Variants in OR4F17 observed in about 807,000 individuals in gnomAD.
OR4F17 encodes olfactory receptor 4F17.
For synonymous variants in OR4F17, 1 was observed against 120.7 expected, an observed-to-expected ratio of 0.01 and a Z score of 6.50; for missense variants, 1 against 323.6, an observed-to-expected ratio of 0.00 and a Z score of 7.65.
At chr19:107,901 TATA>T (rs1378221122) in intron 2 of OR4F17, among the ~76,000 whole-genome samples, 2 of 91,742 alleles carry the variant, frequency 2.2e-5, no homozygotes, top group African/African-American at 8.6e-5. Context: ...TATAATATAA[TATA>T]ATATAAATTA....
At chr19:107,889 TATATAATATA>T (rs1458884267) in intron 2 of OR4F17, among the ~76,000 whole-genome samples, 1 of 26,644 alleles carries the variant, frequency 3.8e-5, no homozygotes, top group Non-Finnish European at 6.0e-5. Flanking sequence ...TAATATATAT[TATATAATATA>T]ATATAATATA....
intron 2 of OR4F17, among the ~76,000 whole-genome samples, chr19:109,489 T>TA (rs1224276607): frequency 1.6e-5 from 2 of 127,906 alleles, no homozygotes; most frequent in Non-Finnish European, 3.3e-5. Flanking sequence ...TTATCAGAGT[T>TA]AAAGCCATCA....
intron 2 of OR4F17, among the ~76,000 whole-genome samples, chr19:109,550 C>T (rs1211858406): frequency 5.8e-5 from 7 of 120,630 alleles, no homozygotes; most frequent in Non-Finnish European, 8.7e-5. Context: ...TTTTATTTTC[C>T]ACATCTTGCC....
chr19:107,957 T>TTTATAATATATTTATA (rs1968643624), intron 2 of OR4F17, among the ~76,000 whole-genome samples: 1 of 8,362 alleles, frequency 1.2e-4, no homozygotes, highest in Non-Finnish European at 1.8e-4. Flanking sequence ...TAATATATAT[T>TTTATAATATATTTATA]TTATTATATA....
chr19:108,148 T>G (rs1343360755), intron 2 of OR4F17, among the ~76,000 whole-genome samples: 1 of 128,212 alleles, frequency 7.8e-6, no homozygotes, highest in East Asian at 2.2e-4. Context: ...CATATATTAT[T>G]ATATAAAATA....
intron 2 of OR4F17, among the ~76,000 whole-genome samples, chr19:107,870 TATATAATATAATATATATTATATAATATA>T: frequency 1.3e-5 from 1 of 74,074 alleles, no homozygotes; most frequent in East Asian, 6.5e-4. Flanking sequence ...TATATTTTAT[TATATAATATAATATATATTATATAATATA>T]ATATAATATA....
At chr19:108,409 C>G (rs1442501833) in intron 2 of OR4F17, among the ~76,000 whole-genome samples, 3 of 151,722 alleles carry the variant, frequency 2.0e-5, no homozygotes, top group Non-Finnish European at 4.4e-5. Context: ...TTTAAAAAGT[C>G]AGAAATGAGC....
intron 2 of OR4F17, among the ~76,000 whole-genome samples, chr19:107,889 TATATAATATAATATAATATAA>T (rs1968638350): frequency 1.5e-4 from 4 of 26,630 alleles, no homozygotes; most frequent in Admixed American, 7.2e-4. Context: ...TAATATATAT[TATATAATATAATATAATATAA>T]ATTATATAAA....
At chr19:108,189 T>C (rs1426164844) in intron 2 of OR4F17, among the ~76,000 whole-genome samples, 1 of 135,438 alleles carries the variant, frequency 7.4e-6, no homozygotes, top group Non-Finnish European at 1.5e-5. Flanking sequence ...AATATATTTA[T>C]ATATTATATA....
chr19:107,804 AAT>A (rs1255246873), intron 2 of OR4F17, among the ~76,000 whole-genome samples: 4 of 120,568 alleles, frequency 3.3e-5, no homozygotes, highest in Non-Finnish European at 5.0e-5. Flanking sequence ...ATATATATAT[AAT>A]ATATATTATA....
intron 2 of OR4F17, among the ~76,000 whole-genome samples, chr19:110,417 T>C (rs1368135690): frequency 6.6e-6 from 1 of 152,282 alleles, no homozygotes; most frequent in Non-Finnish European, 1.5e-5. Flanking sequence ...AACCTAACAT[T>C]AATGGAGACA....
intron 2 of OR4F17, among the ~76,000 whole-genome samples, chr19:108,309 G>T (rs1968657199): frequency 6.6e-6 from 1 of 150,418 alleles, no homozygotes; most frequent in Admixed American, 6.8e-5. Flanking sequence ...TACAATGAGT[G>T]TGTAAGATTC....
At chr19:109,071 T>C (rs1461432300) in intron 2 of OR4F17, among the ~76,000 whole-genome samples, 1 of 151,908 alleles carries the variant, frequency 6.6e-6, no homozygotes, top group Non-Finnish European at 1.5e-5. Flanking sequence ...AGATGGCAAG[T>C]GTAAACTCTA....
At chr19:109,762 T>C (rs1348762268) in intron 2 of OR4F17, among the ~76,000 whole-genome samples, 176 of 142,308 alleles carry the variant, frequency 1.2e-3, no homozygotes, top group African/African-American at 4.4e-3. Flanking sequence ...AGATACATAG[T>C]AGATAACCCA....
chr19:107,737 A>G (rs1968629541), intron 2 of OR4F17, among the ~76,000 whole-genome samples, 182 bp downstream of exon 2: 1 of 140,496 alleles, frequency 7.1e-6, no homozygotes, highest in South Asian at 2.2e-4. Flanking sequence ...ATAAGGACAT[A>G]AGGCATTTAT....
chr19:108,957 A>C (rs1284875357), intron 2 of OR4F17, among the ~76,000 whole-genome samples: 2 of 151,610 alleles, frequency 1.3e-5, no homozygotes, highest in African/African-American at 4.8e-5. Flanking sequence ...TAGGACTAAG[A>C]AATGGGATTC....
chr19:108,480 CTT>C (rs1485397923), intron 2 of OR4F17, among the ~76,000 whole-genome samples: 1 of 150,862 alleles, frequency 6.6e-6, no homozygotes, highest in Non-Finnish European at 1.5e-5. Context: ...AGAGAGATGT[CTT>C]AACTACGTTA....
At chr19:108,875 A>C (rs1173151825) in intron 2 of OR4F17, among the ~76,000 whole-genome samples, 6 of 152,228 alleles carry the variant, frequency 3.9e-5, no homozygotes, top group Admixed American at 1.3e-4. Context: ...ACTTCTCTTT[A>C]TTCTTAAAAA....
intron 2 of OR4F17, among the ~76,000 whole-genome samples, chr19:110,095 A>G (rs1338988849): frequency 6.8e-6 from 1 of 147,708 alleles, no homozygotes; most frequent in Non-Finnish European, 1.5e-5. Context: ...AGTCCTTCAC[A>G]CTTTCTCTCA....
Sources: gnomAD v4.1 joint callset for allele counts (sites outside exome capture counted in the v4.1 genomes callset) on GRCh38, gnomAD v4.1.1 for gene constraint, MANE v1.5 for transcripts, NCBI Gene and HGNC (gene_info 2026-07-23, HGNC 2026-07-21) for gene names.